Variants in MMP14 observed in about 807,000 individuals in gnomAD.
MMP14 encodes the protein matrix metalloproteinase-14.
Under a neutral mutation model 64.8 loss-of-function variants are expected in MMP14, and 13 were observed. The ratio of observed to expected loss-of-function variants is 0.20; its 90% confidence interval spans 0.13 to 0.32. The LOEUF (loss-of-function observed/expected upper bound fraction) is 0.32. Among genes scored for constraint, MMP14 ranks in the 10% least tolerant of loss-of-function variants. MMP14 has a pLI of 1.00. For synonymous variants in MMP14, 322 were observed against 315.9 expected, an observed-to-expected ratio of 1.02 and a Z score of -0.20; for missense variants, 594 against 783.8, an observed-to-expected ratio of 0.76 and a Z score of 2.89.
At chr14:22,845,469 C>T (rs936646078) in intron 9 of MMP14, 103 bp downstream of exon 9, 2 of 899,814 alleles carry the variant, frequency 2.2e-6, no homozygotes, top group Non-Finnish European at 3.4e-6. Flanking sequence ...AAAACAACGG[C>T]GATGATAATA....
chr14:22,837,262 GATAAAC>G, intron 1 of MMP14: 1 of 524,860 alleles, frequency 1.9e-6, no homozygotes, highest in Non-Finnish European at 3.7e-6. Context: ...GGAACCGCCT[GATAAAC>G]ATTTGGACTC....
chr14:22,844,387 G>T lies in MMP14; in HGVS notation c.1028G>T (p.Arg343Leu), dbSNP rs367667276. 6 of 1,613,964 alleles carry T rather than the reference G, an allele frequency of 3.7e-6. No individual in the cohort carries two copies. Among genetic ancestry groups the T allele is most frequent in the Non-Finnish European group, 5.1e-6 (6 of 1,179,986 alleles). The change falls in exon 7 of 10, where the codon CGG becomes CTG. Residue 343 changes from arginine (R) to leucine (L), a missense_variant. This residue lies in a region of MMP14 where 364 missense variants were observed against 425.2 expected (regional missense o/e 0.86). Coordinates refer to ENST00000311852, the MANE Select transcript of MMP14 (RefSeq NM_004995.4). ...GGCTTCCAGGAGCGCTGGTTCTGGC[G>T]GGTGAGGAATAACCAAGTGATGGAT... is the stretch of plus-strand genomic sequence containing the variant. ...MFVFKERWFW[R>L]VRNNQVMDGY...
At chr14:22,837,745 C>T (rs2039745308) in intron 1 of MMP14, among the ~76,000 whole-genome samples, 1 of 152,224 alleles carries the variant, frequency 6.6e-6, no homozygotes, top group Non-Finnish European at 1.5e-5. Context: ...GGGGTGCCCT[C>T]ACGTCGGGGC....
rs2039799448 is a variant in MMP14, at chr14:22,844,701, C to G, written c.1222C>G (p.Arg408Gly). The change falls in exon 8 of 10, where the codon CGA becomes GGA. Residue 408 changes from arginine (R) to glycine (G), a missense_variant. Physicochemically the swap from Arg to Gly is moderately radical, Grantham distance 125 (BLOSUM62 -2). Transcript: ENST00000311852. ...CCCCAAGCACATTAAGGAGCTGGGC[C>G]GAGGGCTGCCTACCGACAAGATTGA... Reference protein sequence around the residue: ...GYPKHIKELGRGLPTDKIDAA... With the variant: ...GYPKHIKELGGGLPTDKIDAA... The G allele has an allele frequency of 6.2e-7, 1 of 1,614,034 alleles. No homozygotes were observed. The highest frequency in any genetic ancestry group is 8.5e-7 in the Non-Finnish European group (1 of 1,179,996).
Position 22,836,619 on chromosome 14 carries a change from C to T in MMP14, c.-199C>T, listed in dbSNP as rs1278931768. 2 of 488,142 alleles carry T rather than the reference C, an allele frequency of 4.1e-6. No individual in the cohort carries two copies. The highest frequency in any genetic ancestry group is 3.6e-6 in the Non-Finnish European group (1 of 277,968). The allele number at this position is 488,142 out of a possible 1,614,324, so 30.2% of individuals were successfully genotyped here. A position where few individuals can be genotyped will look rare whatever the true frequency, so the allele number is the denominator to read the frequency against. On this transcript the variant is annotated 5_prime_UTR_variant, in exon 1 of 10. Coordinates refer to ENST00000311852, the MANE Select transcript of MMP14 (RefSeq NM_004995.4). The stretch of plus-strand genomic sequence containing the variant: ...TTCGCCGACTAAGCAGAAGAAAGAT[C>T]AAAAACCGGAAAAGAGGAGAAGAGC...
intron 8 of MMP14, among the ~76,000 whole-genome samples, 170 bp downstream of exon 8, chr14:22,844,950 T>C (rs1184854660): frequency 2.0e-5 from 3 of 152,086 alleles, no homozygotes; most frequent in Admixed American, 2.0e-4. Context: ...GGGCACCGTG[T>C]GAGTGGGATG....
intron 2 of MMP14, 64 bp downstream of exon 2, chr14:22,841,703 G>A (rs1274420795): frequency 1.2e-6 from 2 of 1,600,366 alleles, no homozygotes; most frequent in Non-Finnish European, 1.7e-6. Flanking sequence ...CGCCAGAGAT[G>A]TTCCTACCTG....
chr14:22,840,512 C>CTTT (rs768214975), intron 1 of MMP14, among the ~76,000 whole-genome samples: 1 of 144,184 alleles, frequency 6.9e-6, no homozygotes, highest in East Asian at 2.0e-4. Context: ...TGTTGAGAAT[C>CTTT]TTTTTTTTTT....
Position 22,842,259 on chromosome 14 carries a change from CA to C in MMP14, c.381-150del. On this transcript the variant is annotated intron_variant, in intron 3 of 9. Transcript: ENST00000311852. The surrounding 1 kb of genome is among the most constrained non-coding windows in gnomAD (Gnocchi z 5.3). ...GCCTGAGGATCCCTTGTTCTTGAGA[CA>C]GAGGCGTTGCGCATGAGGTAGCAGG... 9.6e-7 allele frequency: 1 copy of C among 1,044,846 alleles called. No individual in the cohort carries two copies. The highest frequency in any genetic ancestry group is 1.4e-6 in the Non-Finnish European group (1 of 723,604). The allele number at this position is 1,044,846 out of a possible 1,614,324, so 64.7% of individuals were successfully genotyped here. A position where few individuals can be genotyped will look rare whatever the true frequency, so the allele number is the denominator to read the frequency against.
Position 22,847,269 on chromosome 14 carries a change from G to C in MMP14, c.*1230G>C, listed in dbSNP as rs1235874289. 1 of 152,562 alleles carries C rather than the reference G, an allele frequency of 6.6e-6. No individual in the cohort carries two copies. 9.5% of individuals were successfully genotyped at this position (152,562 alleles called of 1,614,324 possible). On this transcript the variant is annotated 3_prime_UTR_variant, in exon 10 of 10. Transcript: ENST00000311852. ...CTCACCATCTCAGTGAGGGGCAGGA[G>C]CTGGGGCTCGCTTAGGCTGGGTCCA...
intron 1 of MMP14, among the ~76,000 whole-genome samples, chr14:22,839,962 C>CTTTTTTTTT (rs577502772): frequency 7.0e-4 from 64 of 90,800 alleles, no homozygotes; most frequent in African/African-American, 2.4e-3. Context: ...GCTTGTTTTA[C>CTTTTTTTTT]TTTTTTTTTT....
intron 1 of MMP14, among the ~76,000 whole-genome samples, chr14:22,840,800 G>A (rs576074063): frequency 1.3e-4 from 20 of 152,290 alleles, no homozygotes; most frequent in Non-Finnish European, 2.6e-4. Context: ...GTGAGCCACC[G>A]CGCCCGGCCA....
chr14:22,844,750 A>G lies in MMP14; in HGVS notation c.1271A>G (p.Asn424Ser), dbSNP rs2039800001. 4 of 1,614,062 alleles carry G rather than the reference A, an allele frequency of 2.5e-6. No individual in the cohort carries two copies. Among genetic ancestry groups the G allele is most frequent in the Non-Finnish European group, 3.4e-6 (4 of 1,179,996 alleles). Residue 424 changes from asparagine to serine, a missense_variant, in exon 8 of 10, where the codon AAT becomes AGT. This residue lies in a region of MMP14 where 364 missense variants were observed against 425.2 expected (regional missense o/e 0.86). Coordinates refer to ENST00000311852, the MANE Select transcript of MMP14 (RefSeq NM_004995.4). ...GATGCTGCTCTCTTCTGGATGCCCA[A>G]TGGAAAGACCTACTTCTTCCGTGGA... is the stretch of plus-strand genomic sequence containing the variant. ...KIDAALFWMPNGKTYFFRGNK... is the reference protein window; with the variant it reads ...KIDAALFWMPSGKTYFFRGNK...
At chr14:22,839,603 G>GA (rs2039758969) in intron 1 of MMP14, among the ~76,000 whole-genome samples, 1 of 152,200 alleles carries the variant, frequency 6.6e-6, no homozygotes, top group South Asian at 2.1e-4. Context: ...CTTGGGGGGG[G>GA]ATCACTTCCC....
At chr14:22,837,503 G>C (rs1293965819) in intron 1 of MMP14, 2 of 427,328 alleles carry the variant, frequency 4.7e-6, no homozygotes, top group African/African-American at 2.0e-5. Flanking sequence ...AGAGGACCCC[G>C]CTGTGTCCCT....
Position 22,843,398 on chromosome 14 carries a change from G to A in MMP14, c.830G>A (p.Arg277Gln), listed in dbSNP as rs142651327. 3.2e-5 allele frequency: 51 copies of A among 1,613,510 alleles called. No homozygotes were observed. Among genetic ancestry groups the A allele is most frequent in the Middle Eastern group, 1.7e-4 (1 of 6,060 alleles). Residue 277 changes from arginine to glutamine, a missense_variant, in exon 5 of 10, where the codon CGG becomes CAG. Around this residue, in one of 4 missense-constraint regions of MMP14, gnomAD observed 364 missense variants for 425.2 expected, o/e 0.86. Coordinates refer to ENST00000311852, the MANE Select transcript of MMP14 (RefSeq NM_004995.4). The surrounding 1 kb of genome is among the most constrained non-coding windows in gnomAD (Gnocchi z 4.8). ...ENFVLPDDDR[R>Q]GIQQLYGGES... Reference sequence around the variant, plus strand: ...TTTGTGCTGCCCGATGATGACCGCCGGGGCATCCAGCAACTTTATGGCGAG... The same window carrying A: ...TTTGTGCTGCCCGATGATGACCGCCAGGGCATCCAGCAACTTTATGGCGAG...
chr14:22,844,687 T>C lies in MMP14; in HGVS notation c.1208T>C (p.Ile403Thr). The C allele has an allele frequency of 6.2e-7, 1 of 1,614,008 alleles. No individual in the cohort carries two copies. Reference protein sequence around the residue: ...ASLEPGYPKHIKELGRGLPTD... With the variant: ...ASLEPGYPKHTKELGRGLPTD... Reference sequence around the variant, plus strand: ...CTGGAACCTGGCTACCCCAAGCACATTAAGGAGCTGGGCCGAGGGCTGCCT... The same window carrying C: ...CTGGAACCTGGCTACCCCAAGCACACTAAGGAGCTGGGCCGAGGGCTGCCT... The change falls in exon 8 of 10, where the codon ATT becomes ACT. Residue 403 changes from isoleucine to threonine, a missense_variant. This residue lies in a region of MMP14 where 364 missense variants were observed against 425.2 expected (regional missense o/e 0.86). Transcript: ENST00000311852.
Position 22,843,107 on chromosome 14 carries a change from C to A in MMP14, c.689-150C>A. The A allele has an allele frequency of 1.2e-6, 1 of 840,232 alleles. No homozygotes were observed. Among genetic ancestry groups the A allele is most frequent in the Non-Finnish European group, 1.8e-6 (1 of 551,910 alleles). 52.0% of individuals were successfully genotyped at this position (840,232 alleles called of 1,614,324 possible). Reference sequence around the variant, plus strand: ...GCTGACTGGCTTTGTGCTTAAATACCAGATAAAAAGCTAGACCTCAGAATT... The same window carrying A: ...GCTGACTGGCTTTGTGCTTAAATACAAGATAAAAAGCTAGACCTCAGAATT... On this transcript the variant is annotated intron_variant, in intron 4 of 9. Transcript: ENST00000311852. The surrounding 1 kb of genome is among the most constrained non-coding windows in gnomAD (Gnocchi z 4.8).
intron 1 of MMP14, among the ~76,000 whole-genome samples, chr14:22,839,596 G>C (rs931080132): frequency 2.1e-4 from 32 of 152,078 alleles, no homozygotes; most frequent in Middle Eastern, 6.8e-3. Context: ...CATCAGCCTT[G>C]GGGGGGGATC....
Sources: allele counts gnomAD v4.1 joint callset (sites outside exome capture counted in the v4.1 genomes callset), GRCh38; gene constraint gnomAD v4.1.1; regional missense constraint gnomAD v4.1.1; non-coding constraint Gnocchi (gnomAD v3.1); transcripts MANE v1.5; gene names NCBI Gene and HGNC (gene_info 2026-07-23, HGNC 2026-07-21).